DDX60L: variants seen among roughly 807,000 people sequenced by gnomAD.
DDX60L encodes the protein probable ATP-dependent RNA helicase DDX60-like.
DDX60L carries 191 observed loss-of-function variants against 211.6 expected under a neutral mutation model. That is an observed-to-expected ratio of 0.90 (90% CI 0.80 to 1.02). DDX60L has a LOEUF of 1.02. Ranked by LOEUF, DDX60L falls within the 50% of genes least tolerant of loss-of-function variation. The pLI is 0.00. For synonymous variants in DDX60L, 706 were observed against 694.1 expected (o/e 1.02, Z -0.27); for missense variants, 2,007 against 1,984.1 (o/e 1.01, Z -0.22).
At chr4:168,392,463 T>G (rs1745004304) in intron 28 of DDX60L, among the ~76,000 whole-genome samples, 1 of 152,120 alleles carries the variant, frequency 6.6e-6, no homozygotes, top group African/African-American at 2.4e-5. Context: ...CCATTATTGG[T>G]TCATCTGTAA....
chr4:168,475,831 T>C (rs1759406925), intron 1 of DDX60L, among the ~76,000 whole-genome samples: 1 of 152,050 alleles, frequency 6.6e-6, no homozygotes, highest in Admixed American at 6.6e-5. Flanking sequence ...CCTTATCGGA[T>C]AGGACTGGTG....
At position 168,416,713 on chromosome 4, in the gene DDX60L, CT is replaced by C. The variant is rs1434115458; in HGVS notation, c.2694del (p.Ala899LeufsTer3). On this transcript the variant is annotated frameshift_variant, in exon 20 of 38. Coordinates refer to ENST00000682922, the MANE Select transcript of DDX60L (RefSeq NM_001012967.3). LOFTEE classifies it high-confidence loss of function. ...VIIRCPFLVLSATINNPNLLT... is the reference protein window; with the variant it reads ...VIIRCPFLVLXATINNPNLLT... ...AGAAGATTTGGGTTATTTATGGTAG[CT>C]GAAAGAACCAAAAAGGGACATCGAA... is the stretch of plus-strand genomic sequence containing the variant. 2 of 1,601,456 alleles carry C rather than the reference CT, an allele frequency of 1.2e-6. No individual in the cohort carries two copies. Among genetic ancestry groups the C allele is most frequent in the African/African-American group, 2.7e-5 (2 of 74,204 alleles).
chr4:168,395,882 T>G (rs1745674065), intron 27 of DDX60L, 77 bp downstream of exon 27: 1 of 967,336 alleles, frequency 1.0e-6, no homozygotes, highest in Non-Finnish European at 1.6e-6. Flanking sequence ...GTCATTTCAG[T>G]GTTCAAAGAT....
intron 9 of DDX60L, among the ~76,000 whole-genome samples, chr4:168,445,880 C>A: frequency 1.2e-5 from 1 of 80,612 alleles, no homozygotes; most frequent in Non-Finnish European, 2.9e-5. Context: ...GGATGTATTT[C>A]AAAATAATAA....
chr4:168,419,758 A>G (rs1337803874), intron 18 of DDX60L, among the ~76,000 whole-genome samples: 1 of 152,232 alleles, frequency 6.6e-6, no homozygotes, highest in Non-Finnish European at 1.5e-5. Flanking sequence ...AATATCATTC[A>G]AAAGAACTAG....
At chr4:168,369,251 C>G (rs1440509060) in intron 36 of DDX60L, among the ~76,000 whole-genome samples, 1 of 152,102 alleles carries the variant, frequency 6.6e-6, no homozygotes, top group East Asian at 1.9e-4. Context: ...GAGCTGTTCT[C>G]CTGATAGTGA....
Position 168,436,342 on chromosome 4 carries a change from T to C in DDX60L, c.1295-3227A>G, listed in dbSNP as rs144402510. ...ATGCTTCTGCCAGAAATACTATCCT[T>C]GGACTTACAGAACCCGTATCCACAA... On this transcript the variant is annotated intron_variant, in intron 10 of 37. Transcript: ENST00000682922. Among the ~76,000 whole-genome samples, 337 of 152,336 alleles carry C rather than the reference T, an allele frequency of 2.2e-3. 1 individual carries two copies. Among genetic ancestry groups the C allele is most frequent in the African/African-American group, 7.4e-3 (307 of 41,582 alleles).
chr4:168,462,827 C>T (rs1757497480), intron 4 of DDX60L, among the ~76,000 whole-genome samples: 1 of 151,536 alleles, frequency 6.6e-6, no homozygotes, highest in African/African-American at 2.4e-5. Flanking sequence ...AAAACAAAAA[C>T]AAAAGAAGAC....
intron 36 of DDX60L, among the ~76,000 whole-genome samples, chr4:168,365,491 G>A (rs142096764): frequency 2.7e-4 from 41 of 150,568 alleles, no homozygotes; most frequent in Non-Finnish European, 4.9e-4. Context: ...AATCTAAACA[G>A]AGCAGTAATG....
chr4:168,388,178 G>A (rs115102974), intron 29 of DDX60L, among the ~76,000 whole-genome samples: 2,123 of 152,242 alleles, frequency 0.014, 33 homozygotes, highest in African/African-American at 0.045. Flanking sequence ...AAGAACAAGC[G>A]CAATCACATT....
chr4:168,420,300 A>G lies in DDX60L; in HGVS notation c.2475T>C (p.Ala825=). 1 of 1,607,534 alleles carries G rather than the reference A, an allele frequency of 6.2e-7. No individual in the cohort carries two copies. The highest frequency in any genetic ancestry group is 1.1e-5 in the South Asian group (1 of 89,536). The change falls in exon 18 of 38, where the codon GCT becomes GCC. Residue 825 remains alanine, a synonymous_variant. Transcript: ENST00000682922. Reference sequence around the variant, plus strand: ...CATTGTGACAATAATCTCTTGTAAAAGCACCGCATAGAGTTCTGCCGGCAG... The same window carrying G: ...CATTGTGACAATAATCTCTTGTAAAGGCACCGCATAGAGTTCTGCCGGCAG... ...TLPAGRTLCG[A]FTRDYCHNVL... is the part of the protein sequence containing the mutation.
At chr4:168,472,213 G>T (rs1758878883) in intron 3 of DDX60L, among the ~76,000 whole-genome samples, 1 of 152,174 alleles carries the variant, frequency 6.6e-6, no homozygotes, top group Non-Finnish European at 1.5e-5. Context: ...TGATTCTAAA[G>T]GCTGTTATTC....
intron 28 of DDX60L, among the ~76,000 whole-genome samples, chr4:168,393,338 A>T (rs967831734): frequency 3.9e-5 from 6 of 152,080 alleles, no homozygotes; most frequent in African/African-American, 1.2e-4. Flanking sequence ...TCTACTAAAA[A>T]TACAAAAATT....
intron 13 of DDX60L, among the ~76,000 whole-genome samples, chr4:168,429,885 T>C (rs1752079749): frequency 6.6e-6 from 1 of 152,142 alleles, no homozygotes; most frequent in South Asian, 2.1e-4. Flanking sequence ...TCTCCCCCTT[T>C]GTCTTCTATC....
intron 26 of DDX60L, 58 bp downstream of exon 26, chr4:168,400,768 T>C (rs1330159953): frequency 7.1e-7 from 1 of 1,415,636 alleles, no homozygotes; most frequent in African/African-American, 1.4e-5. Context: ...TCTGACAGTG[T>C]CTTGTAAATA....
intron 9 of DDX60L, among the ~76,000 whole-genome samples, chr4:168,442,196 G>C (rs1031262308): frequency 6.6e-6 from 1 of 152,174 alleles, no homozygotes; most frequent in Non-Finnish European, 1.5e-5. Context: ...CTTGGGAAGC[G>C]CAAGGGGTCA....
chr4:168,445,593 C>T (rs996995826), intron 9 of DDX60L, among the ~76,000 whole-genome samples: 2 of 152,048 alleles, frequency 1.3e-5, no homozygotes, highest in Non-Finnish European at 2.9e-5. Flanking sequence ...GAATTTTAGA[C>T]CAATATCCTT....
At chr4:168,413,939 A>G (rs1384416232) in intron 22 of DDX60L, among the ~76,000 whole-genome samples, 2 of 152,186 alleles carry the variant, frequency 1.3e-5, no homozygotes, top group African/African-American at 4.8e-5. Flanking sequence ...ACATTTAATA[A>G]TCATACTCCC....
intron 1 of DDX60L, among the ~76,000 whole-genome samples, chr4:168,478,101 A>G (rs1383355709): frequency 6.8e-6 from 1 of 146,840 alleles, no homozygotes; most frequent in Non-Finnish European, 1.5e-5. Flanking sequence ...AGGGGAGGGG[A>G]GGGGAAAAGA....
Sources: allele counts gnomAD v4.1 joint callset (sites outside exome capture counted in the v4.1 genomes callset), GRCh38; gene constraint gnomAD v4.1.1; transcripts MANE v1.5; gene names NCBI Gene and HGNC (gene_info 2026-07-23, HGNC 2026-07-21).